Variants in ACACA observed in about 807,000 individuals in gnomAD.
The protein encoded by ACACA is acetyl-CoA carboxylase 1.
Under a neutral mutation model 296.1 loss-of-function variants are expected in ACACA, and 103 were observed. The ratio of observed to expected loss-of-function variants is 0.35; its 90% CI spans 0.30 to 0.41. The LOEUF is 0.41. Among genes scored for constraint, ACACA ranks in the 10% least tolerant of loss-of-function variants. The pLI is 1.00. For missense variants in ACACA, 1,554 were observed against 2,989.7 expected (o/e 0.52, Z 11.20); for synonymous variants, 953 against 1,038.6 (o/e 0.92, Z 1.58).
chr17:37,203,388 T>A (rs564221555), intron 33 of ACACA, among the ~76,000 whole-genome samples: 1 of 152,176 alleles, frequency 6.6e-6, no homozygotes, highest in Admixed American at 6.5e-5. Context: ...CCTCAAAACC[T>A]AGGAAGAAAC....
At chr17:37,236,001 G>C (rs1487690973) in intron 24 of ACACA, among the ~76,000 whole-genome samples, 3 of 152,172 alleles carry the variant, frequency 2.0e-5, no homozygotes, top group Admixed American at 6.5e-5. Context: ...TCCAAGTAAA[G>C]AGGAATTAGT....
At chr17:37,279,284 T>A (rs779894084) in intron 5 of ACACA, among the ~76,000 whole-genome samples, 1 of 152,186 alleles carries the variant, frequency 6.6e-6, no homozygotes, top group Non-Finnish European at 1.5e-5. Flanking sequence ...AAGGAAAGCA[T>A]GCAAATTATT....
chr17:37,405,794 C>A (rs2051467688), intron 1 of ACACA, among the ~76,000 whole-genome samples: 1 of 151,284 alleles, frequency 6.6e-6, no homozygotes, highest in African/African-American at 2.4e-5. Flanking sequence ...CCCTGTGATC[C>A]GCCCGCCTCG....
intron 1 of ACACA, among the ~76,000 whole-genome samples, chr17:37,365,119 C>A (rs537701502): frequency 6.6e-6 from 1 of 152,082 alleles, no homozygotes; most frequent in African/African-American, 2.4e-5. Flanking sequence ...ATCACATGCC[C>A]AGCCAATTTT....
At chr17:37,353,582 T>C (rs2049000484) in intron 1 of ACACA, among the ~76,000 whole-genome samples, 2 of 126,678 alleles carry the variant, frequency 1.6e-5, no homozygotes, top group African/African-American at 6.1e-5. Flanking sequence ...GAGGTTGCAG[T>C]GAGCTGAGAT....
intron 1 of ACACA, among the ~76,000 whole-genome samples, chr17:37,378,280 T>C (rs1568075782): frequency 6.6e-6 from 1 of 152,216 alleles, no homozygotes. Context: ...ATGGGAACCA[T>C]GGCAGAAGAA....
At chr17:37,195,291 T>C (rs1484675671) in intron 35 of ACACA, among the ~76,000 whole-genome samples, 1 of 152,178 alleles carries the variant, frequency 6.6e-6, no homozygotes, top group Non-Finnish European at 1.5e-5. Context: ...TCAAAACCAT[T>C]TCCTTTCAAA....
intron 36 of ACACA, among the ~76,000 whole-genome samples, chr17:37,192,846 T>C (rs1388103282): frequency 6.6e-6 from 1 of 152,130 alleles, no homozygotes; most frequent in Non-Finnish European, 1.5e-5. Flanking sequence ...CTTATATATG[T>C]TTTTTAAAAG....
chr17:37,095,863 C>T (rs17695209), intron 54 of ACACA, among the ~76,000 whole-genome samples: 2,017 of 152,296 alleles, frequency 0.013, 23 homozygotes, highest in Admixed American at 0.022. Context: ...ATGCAGCCCA[C>T]TATTCCAGGA....
chr17:37,155,573 G>T, intron 43 of ACACA, 110 bp downstream of exon 43: 1 of 794,280 alleles, frequency 1.3e-6, no homozygotes, highest in Non-Finnish European at 2.2e-6. Flanking sequence ...TCTAGATTAT[G>T]TCATCTTCAA....
At chr17:37,116,236 C>A (rs2074247951) in intron 50 of ACACA, among the ~76,000 whole-genome samples, 1 of 152,172 alleles carries the variant, frequency 6.6e-6, no homozygotes, top group Non-Finnish European at 1.5e-5. Flanking sequence ...CATCCGCCCA[C>A]CTCGGCCTTC....
rs996530981 is a variant in ACACA, at chr17:37,086,477, A to AACTC, written c.*835_*838dup. The AACTC allele has an allele frequency of 9.2e-5, 14 of 152,322 alleles. No homozygotes were observed. The highest frequency in any genetic ancestry group is 3.4e-4 in the African/African-American group (14 of 41,468). 9.4% of individuals were successfully genotyped at this position (152,322 alleles called of 1,614,324 possible). A position where few individuals can be genotyped will look rare whatever the true frequency, so the allele number is the denominator to read the frequency against. ...GTTCTCTTCTGGCTCCTCCTCTGCCAACTCAGGCTTCACCACCTGTGGAAC... is the reference window on the plus strand; with the variant it reads ...GTTCTCTTCTGGCTCCTCCTCTGCCAACTCACTCAGGCTTCACCACCTGTGGAAC... On this transcript the variant is annotated 3_prime_UTR_variant, in exon 56 of 56. Coordinates refer to ENST00000616317, the MANE Select transcript of ACACA (RefSeq NM_198834.3).
Position 37,330,152 on chromosome 17 carries a change from G to A in ACACA, c.338+21C>T, listed in dbSNP as rs756534104. ...ACTAACAAGACAGATTAAATAAGTAGACCATTGAACTCTCTCTTACCTTAT... is the reference window on the plus strand; with the variant it reads ...ACTAACAAGACAGATTAAATAAGTAAACCATTGAACTCTCTCTTACCTTAT... On this transcript the variant is annotated intron_variant, in intron 3 of 55. Coordinates refer to ENST00000616317, the MANE Select transcript of ACACA (RefSeq NM_198834.3). The A allele has an allele frequency of 8.1e-6, 13 of 1,613,580 alleles. No homozygotes were observed. In the South Asian group the frequency reaches 1.2e-4, roughly 15 times the overall value.
intron 4 of ACACA, 126 bp downstream of exon 4, chr17:37,284,712 T>C: frequency 7.8e-7 from 1 of 1,283,366 alleles, no homozygotes; most frequent in South Asian, 1.2e-5. Flanking sequence ...AAGGCTAAAA[T>C]TCACATAAAG....
intron 2 of ACACA, among the ~76,000 whole-genome samples, chr17:37,331,831 T>C (rs539733708): frequency 6.6e-6 from 1 of 152,242 alleles, no homozygotes; most frequent in Admixed American, 6.5e-5. Context: ...TGTAAGCCAC[T>C]GTGCCTGGCC....
At chr17:37,207,132 GTTTGT>G (rs758332618) in intron 31 of ACACA, among the ~76,000 whole-genome samples, 2 of 151,960 alleles carry the variant, frequency 1.3e-5, no homozygotes, top group Non-Finnish European at 2.9e-5. Flanking sequence ...AAGCTTTTTT[GTTTGT>G]TTTGTTTTCC....
intron 5 of ACACA, among the ~76,000 whole-genome samples, chr17:37,281,592 G>A (rs2082536430): frequency 6.6e-6 from 1 of 152,196 alleles, no homozygotes; most frequent in Admixed American, 6.5e-5. Flanking sequence ...ACCGGACCGG[G>A]CGCAGTGGCT....
chr17:37,350,682 A>C (rs1041764926), intron 1 of ACACA, among the ~76,000 whole-genome samples: 1 of 152,146 alleles, frequency 6.6e-6, no homozygotes, highest in Admixed American at 6.5e-5. Flanking sequence ...TCTACTAAAA[A>C]TACAAAATTA....
chr17:37,097,686 T>C lies in ACACA; in HGVS notation c.6720+144A>G, dbSNP rs1335412279. On this transcript the variant is annotated intron_variant, in intron 53 of 55. Transcript: ENST00000616317. The surrounding 1 kb of genome is among the most constrained non-coding windows in gnomAD (Gnocchi z 4.8). ...AACAGTTACAGAAACAGTGAAAATC[T>C]AAAAAATATTGAAAATGTTTTGATC... is the stretch of plus-strand genomic sequence containing the variant. 6.9e-6 allele frequency: 7 copies of C among 1,018,548 alleles called. No individual in the cohort carries two copies. Among genetic ancestry groups the C allele is most frequent in the Non-Finnish European group, 1.0e-5 (7 of 696,768 alleles). 63.1% of individuals were successfully genotyped at this position (1,018,548 alleles called of 1,614,324 possible).
Sources: allele counts gnomAD v4.1 joint callset (sites outside exome capture counted in the v4.1 genomes callset), GRCh38; gene constraint gnomAD v4.1.1; non-coding constraint Gnocchi (gnomAD v3.1); transcripts MANE v1.5; gene names NCBI Gene and HGNC (gene_info 2026-07-23, HGNC 2026-07-21).